The following SYNE2 variants were observed in gnomAD, a reference collection of about 807,000 sequenced individuals.
The protein encoded by SYNE2 is nesprin-2.
Under a neutral mutation model 856.3 loss-of-function variants are expected in SYNE2, and 431 were observed. The ratio of observed to expected loss-of-function variants is 0.50; its 90% CI spans 0.47 to 0.55. The LOEUF (loss-of-function observed/expected upper bound fraction) is 0.55, where lower values mean the gene tolerates loss of function less well. Ranked by LOEUF, SYNE2 falls within the 20% of genes least tolerant of loss-of-function variation. The probability of loss-of-function intolerance (pLI) is 0.00; values close to 1 mark genes in which losing one functional copy is unlikely to be tolerated. For synonymous variants in SYNE2, 2,923 were observed against 2,872.3 expected, an observed-to-expected ratio of 1.02 and a Z score of -0.56; for missense variants, 8,129 against 8,023.2, an observed-to-expected ratio of 1.01 and a Z score of -0.50.
chr14:63,852,320 G>A (rs910028511), upstream of SYNE2, among the ~76,000 whole-genome samples: 2 of 152,196 alleles, frequency 1.3e-5, no homozygotes, highest in Middle Eastern at 3.4e-3. Context: ...ACTGATTATG[G>A]GCTGGAAAAT....
intron 99 of SYNE2, among the ~76,000 whole-genome samples, chr14:64,192,833 C>A (rs186733671): frequency 6.6e-6 from 1 of 152,140 alleles, no homozygotes; most frequent in Admixed American, 6.5e-5. Flanking sequence ...ATGAGCAGTA[C>A]GTGCTGAGTG....
At chr14:64,150,291 CAAAAAAAAAAAAAAAAAAAA>C (rs773488742) in intron 84 of SYNE2, among the ~76,000 whole-genome samples, 1 of 35,626 alleles carries the variant, frequency 2.8e-5, no homozygotes, top group African/African-American at 8.6e-5. Flanking sequence ...GATTCTCTCT[CAAAAAAAAAAAAAAAAAAAA>C]AAAAAAAAAA....
At chr14:64,172,187 T>C (rs1337468246) in intron 94 of SYNE2, among the ~76,000 whole-genome samples, 3 of 152,164 alleles carry the variant, frequency 2.0e-5, no homozygotes, top group African/African-American at 4.8e-5. Context: ...TGTTCCTGAT[T>C]GTAGGGGAGC....
At position 63,990,449 on chromosome 14, in the gene SYNE2, G is replaced by A. The variant is rs2096658346; in HGVS notation, c.2352G>A (p.Met784Ile). 6.2e-7 allele frequency: 1 copy of A among 1,613,470 alleles called. No homozygotes were observed. Among genetic ancestry groups the A allele is most frequent in the Non-Finnish European group, 8.5e-7 (1 of 1,179,902 alleles). ...AAGGCTCTATGTTTGATGAGCTTAT[G>A]GCAAGAAGTGAAGATATGTTACAAA... Reference protein sequence around the residue: ...IAKGSMFDELMARSEDMLQMD... With the variant: ...IAKGSMFDELIARSEDMLQMD... The change falls in exon 20 of 116, where the codon ATG (methionine) becomes ATA (isoleucine). Residue 784 changes from methionine (M) to isoleucine (I), a missense_variant. Physicochemically the swap from Met to Ile is conservative, Grantham distance 10. Around this residue, in one of 3 missense-constraint regions of SYNE2, gnomAD observed 2,422 missense variants for 2,357.4 expected, o/e 1.03. Transcript: ENST00000555002.
At chr14:64,184,379 G>T (rs2098478395) in intron 96 of SYNE2, among the ~76,000 whole-genome samples, 3 of 139,166 alleles carry the variant, frequency 2.2e-5, no homozygotes, top group African/African-American at 8.0e-5. Context: ...TATGAACATG[G>T]TGAGTGTTAG....
intron 1 of SYNE2, among the ~76,000 whole-genome samples, chr14:63,835,394 G>A (rs113484473): frequency 0.035 from 5,276 of 151,866 alleles, 181 homozygotes; most frequent in African/African-American, 0.084. Flanking sequence ...CTCCACACCC[G>A]CCTAATTTTT....
intron 32 of SYNE2, among the ~76,000 whole-genome samples, chr14:64,012,972 G>A (rs754165147): frequency 1.6e-4 from 24 of 152,112 alleles, no homozygotes; most frequent in Admixed American, 3.9e-4. Flanking sequence ...TGTTTATCTA[G>A]GATATGGTGA....
chr14:63,964,239 T>C (rs1394741545), intron 10 of SYNE2, among the ~76,000 whole-genome samples: 2 of 152,248 alleles, frequency 1.3e-5, no homozygotes, highest in Admixed American at 1.3e-4. Flanking sequence ...TTTTTGTGTT[T>C]CTAACAAGGT....
chr14:63,946,354 G>A (rs1275043695), intron 6 of SYNE2, among the ~76,000 whole-genome samples: 1 of 151,796 alleles, frequency 6.6e-6, no homozygotes, highest in Non-Finnish European at 1.5e-5. Context: ...CTTGAGTCTG[G>A]GAGGTTGAGA....
In SYNE2 at chr14:63,977,929, C is replaced by T. The variant is rs761844853; in HGVS notation, c.1318C>T (p.His440Tyr). 9.3e-6 allele frequency: 15 copies of T among 1,613,410 alleles called. No individual in the cohort carries two copies. In the Admixed American group the frequency reaches 2.5e-4, roughly 27 times the overall value. ...GAGCCTGATGGATAGATTTGAGCAT[C>T]ATTCGAACATTCTCCTTACCTTTGA... ...FKSLMDRFEH[H>Y]SNILLTFENK... Residue 440 changes from histidine to tyrosine, a missense_variant, in exon 13 of 116, where the codon CAT becomes TAT. By Grantham distance (83) the His-to-Tyr change is moderately conservative. This residue lies in a region of SYNE2 where 2,422 missense variants were observed against 2,357.4 expected (regional missense o/e 1.03). Coordinates refer to ENST00000555002, the MANE Select transcript of SYNE2 (RefSeq NM_182914.3).
intron 66 of SYNE2, among the ~76,000 whole-genome samples, chr14:64,118,500 T>A (rs1367238125): frequency 2.0e-5 from 3 of 152,142 alleles, no homozygotes; most frequent in Non-Finnish European, 2.9e-5. Context: ...GCAAGGGAAA[T>A]AATTTTCAAA....
At chr14:63,840,487 C>T in intron 1 of SYNE2, among the ~76,000 whole-genome samples, 1 of 144,216 alleles carries the variant, frequency 6.9e-6, no homozygotes, top group South Asian at 2.3e-4. Context: ...TTCCCTCCCT[C>T]CCTTCCCTCC....
chr14:64,121,105 T>A (rs771996687), intron 68 of SYNE2, 44 bp downstream of exon 68: 36 of 1,612,654 alleles, frequency 2.2e-5, no homozygotes, highest in Non-Finnish European at 2.6e-5. Flanking sequence ...AATATAACTT[T>A]TTAACCAGGC....
intron 49 of SYNE2, among the ~76,000 whole-genome samples, chr14:64,061,272 T>C (rs1489410143): frequency 1.3e-5 from 2 of 152,218 alleles, no homozygotes; most frequent in African/African-American, 2.4e-5. Flanking sequence ...TTTATTCATG[T>C]TCTTAGTAAA....
At chr14:63,824,005 A>G (rs993588533) in intron 1 of SYNE2, among the ~76,000 whole-genome samples, 1 of 152,186 alleles carries the variant, frequency 6.6e-6, no homozygotes, top group African/African-American at 2.4e-5. Context: ...CTAGCACAAC[A>G]GGGTGATTAT....
At chr14:64,084,815 T>C in intron 57 of SYNE2, 1 of 601,002 alleles carries the variant, frequency 1.7e-6, no homozygotes, top group Admixed American at 2.7e-5. Flanking sequence ...TATCTCTGGC[T>C]CAAGGTCTCT....
intron 57 of SYNE2, among the ~76,000 whole-genome samples, chr14:64,082,351 T>C (rs2097530874): frequency 6.6e-6 from 1 of 152,076 alleles, no homozygotes; most frequent in Admixed American, 6.6e-5. Context: ...TTTGGAATGC[T>C]CCACCGGTAA....
chr14:64,152,488 G>A (rs2098252080), intron 84 of SYNE2, 76 bp from the exon 85 acceptor site: 3 of 1,453,702 alleles, frequency 2.1e-6, no homozygotes, highest in Non-Finnish European at 2.9e-6. Flanking sequence ...TGAAAAGAGT[G>A]AACTCCTGTC....
intron 1 of SYNE2, among the ~76,000 whole-genome samples, chr14:63,812,197 C>G (rs1040873016): frequency 6.6e-6 from 1 of 152,156 alleles, no homozygotes; most frequent in Admixed American, 6.5e-5. Flanking sequence ...GACCTCCCCC[C>G]AGGAATGCAT....
Sources: allele counts gnomAD v4.1 joint callset (sites outside exome capture counted in the v4.1 genomes callset), GRCh38; gene constraint gnomAD v4.1.1; regional missense constraint gnomAD v4.1.1; transcripts MANE v1.5; gene names NCBI Gene and HGNC (gene_info 2026-07-23, HGNC 2026-07-21).